The following LDB2 variants were observed in gnomAD, a reference collection of about 807,000 sequenced individuals.
LDB2 encodes the protein LIM domain binding 2, also known as LIM domain-binding protein 2.
In LDB2, 12 loss-of-function variants were observed where a neutral mutation model predicts 44.3. The observed-to-expected ratio is 0.27, with a 90% confidence interval of 0.17 to 0.44. The LOEUF (loss-of-function observed/expected upper bound fraction) is 0.44, where lower values mean the gene tolerates loss of function less well. LDB2 is among the 20% of genes least tolerant of loss of function. The pLI is 1.00. For missense variants in LDB2, 344 were observed against 473.5 expected (o/e 0.73, Z 2.54); for synonymous variants, 164 against 174.8 (o/e 0.94, Z 0.49).
intron 2 of LDB2, among the ~76,000 whole-genome samples, chr4:16,684,589 T>G (rs1748752056): frequency 6.6e-6 from 1 of 152,244 alleles, no homozygotes; most frequent in Non-Finnish European, 1.5e-5. Context: ...AGGTGGTGTG[T>G]TATTATCTAG....
intron 1 of LDB2, among the ~76,000 whole-genome samples, chr4:16,798,794 C>T (rs916424371): frequency 1.3e-5 from 2 of 152,238 alleles, no homozygotes; most frequent in African/African-American, 4.8e-5. Flanking sequence ...TTTTCAGTCA[C>T]CTCAAGTGAC....
chr4:16,787,072 A>G (rs1433836946), intron 1 of LDB2, among the ~76,000 whole-genome samples: 2 of 152,150 alleles, frequency 1.3e-5, no homozygotes, highest in Non-Finnish European at 2.9e-5. Flanking sequence ...TCCCTCTAAA[A>G]TAGTTTGAGA....
intron 2 of LDB2, among the ~76,000 whole-genome samples, chr4:16,739,608 A>ATATATG (rs1482602537): frequency 1.2e-5 from 1 of 86,204 alleles, no homozygotes; most frequent in Non-Finnish European, 2.2e-5. Context: ...ATATATATAT[A>ATATATG]TGTATATATA....
intron 1 of LDB2, among the ~76,000 whole-genome samples, chr4:16,817,173 C>T (rs749541637): frequency 1.9e-4 from 29 of 152,144 alleles, no homozygotes; most frequent in Non-Finnish European, 3.7e-4. Flanking sequence ...TGTAAAGGAT[C>T]GATGTATCAA....
At position 16,556,495 on chromosome 4, in the gene LDB2, A is replaced by ACTT. The variant is rs368752301; in HGVS notation, c.615+29424_615+29426dup. On this transcript the variant is annotated intron_variant, in intron 5 of 7. Coordinates refer to ENST00000304523, the MANE Select transcript of LDB2 (RefSeq NM_001290.5). ...TATCAAAGCTAATGATATTCCTTGG[A>ACTT]CTTCATCTAATAATCAGCATGTTAA... is the stretch of plus-strand genomic sequence containing the variant. 4.4e-3 allele frequency among the ~76,000 whole-genome samples: 673 copies of ACTT among 152,304 alleles called. 7 individuals are homozygous for ACTT. The highest frequency in any genetic ancestry group is 0.015 in the African/African-American group (634 of 41,564).
chr4:16,504,914 A>G lies in LDB2; in HGVS notation c.892-2041T>C, dbSNP rs16893554. 5.0e-3 allele frequency among the ~76,000 whole-genome samples: 760 copies of G among 152,348 alleles called. 37 individuals carry two copies. The East Asian group carries it at 0.11, about 21-fold the overall frequency. Reference sequence around the variant, plus strand: ...CACACTTGAAGGGCTTGGAAAACACATGCGTAAGGCGTCACAGGGCAGGAG... The same window carrying G: ...CACACTTGAAGGGCTTGGAAAACACGTGCGTAAGGCGTCACAGGGCAGGAG... On this transcript the variant is annotated intron_variant, in intron 7 of 7. Transcript: ENST00000304523.
At chr4:16,819,022 G>C (rs1370243880) in intron 1 of LDB2, among the ~76,000 whole-genome samples, 1 of 152,072 alleles carries the variant, frequency 6.6e-6, no homozygotes, top group African/African-American at 2.4e-5. Context: ...CAAAGTAATA[G>C]AAAGTAAAGT....
intron 5 of LDB2, among the ~76,000 whole-genome samples, chr4:16,519,263 C>G (rs1444031468): frequency 6.6e-6 from 1 of 151,962 alleles, no homozygotes; most frequent in East Asian, 1.9e-4. Context: ...TAACCCTCAC[C>G]CCCACCTTTT....
At chr4:16,810,238 T>C (rs537786750) in intron 1 of LDB2, among the ~76,000 whole-genome samples, 1 of 152,156 alleles carries the variant, frequency 6.6e-6, no homozygotes, top group African/African-American at 2.4e-5. Flanking sequence ...CCATGACACA[T>C]GTACAGCAAT....
At position 16,603,440 on chromosome 4, in the gene LDB2, G is replaced by T. The variant is rs140375700; in HGVS notation, c.236-7565C>A. Among the ~76,000 whole-genome samples the T allele has an allele frequency of 4.1e-3, 622 of 152,240 alleles. 2 individuals are homozygous for T. Among genetic ancestry groups the T allele is most frequent in the South Asian group, 7.7e-3 (37 of 4,826 alleles). ...GCAACAGCATTAGTTAGAGAAGGTGGTATATTCCCGTGATCTAGGCTGCTG... is the reference window on the plus strand; with the variant it reads ...GCAACAGCATTAGTTAGAGAAGGTGTTATATTCCCGTGATCTAGGCTGCTG... On this transcript the variant is annotated intron_variant, in intron 2 of 7. Coordinates refer to ENST00000304523, the MANE Select transcript of LDB2 (RefSeq NM_001290.5).
intron 1 of LDB2, 62 bp from the exon 2 acceptor site, chr4:16,759,322 G>T: frequency 8.1e-7 from 1 of 1,229,956 alleles, no homozygotes; most frequent in Non-Finnish European, 1.2e-6. Flanking sequence ...AAGAGGAAGA[G>T]AAAAGGGAAG....
At chr4:16,763,791 A>G (rs1768534895) in intron 1 of LDB2, among the ~76,000 whole-genome samples, 1 of 152,216 alleles carries the variant, frequency 6.6e-6, no homozygotes, top group Non-Finnish European at 1.5e-5. Context: ...TCTATGTTAT[A>G]CTGACTTGCA....
Position 16,588,693 on chromosome 4 carries a change from G to GA in LDB2, c.531+16dup, listed in dbSNP as rs1156324508. 6.2e-7 allele frequency: 1 copy of GA among 1,609,840 alleles called. No homozygotes were observed. Among genetic ancestry groups the GA allele is most frequent in the African/African-American group, 1.3e-5 (1 of 74,756 alleles). On this transcript the variant is annotated intron_variant, in intron 4 of 7. Coordinates refer to ENST00000304523, the MANE Select transcript of LDB2 (RefSeq NM_001290.5). ...AAAAAAAAGAAAAGAAAGCAAAACA[G>GA]AAATTAAATTACTTACATGCATGGC...
intron 1 of LDB2, among the ~76,000 whole-genome samples, chr4:16,821,689 G>A (rs904802899): frequency 8.5e-5 from 11 of 129,452 alleles, no homozygotes; most frequent in Admixed American, 2.8e-4. Context: ...GCGCCCGGCC[G>A]GAATATTTGA....
At chr4:16,864,723 G>A (rs899879468) in intron 1 of LDB2, among the ~76,000 whole-genome samples, 35 of 151,444 alleles carry the variant, frequency 2.3e-4, no homozygotes, top group African/African-American at 7.8e-4. Context: ...TCAGGAGTTC[G>A]AGACCAGCCT....
At chr4:16,644,247 G>A (rs1002290885) in intron 2 of LDB2, among the ~76,000 whole-genome samples, 1 of 152,108 alleles carries the variant, frequency 6.6e-6, no homozygotes, top group Non-Finnish European at 1.5e-5. Flanking sequence ...AATACAGAAT[G>A]CCAACCAGTG....
At chr4:16,680,921 C>G (rs1747670440) in intron 2 of LDB2, among the ~76,000 whole-genome samples, 1 of 152,142 alleles carries the variant, frequency 6.6e-6, no homozygotes, top group Non-Finnish European at 1.5e-5. Context: ...AGTAGTAAAT[C>G]TGGAAATTTA....
intron 2 of LDB2, among the ~76,000 whole-genome samples, chr4:16,607,559 G>T (rs1724279706): frequency 6.6e-6 from 1 of 152,308 alleles, no homozygotes; most frequent in East Asian, 1.9e-4. Context: ...AACAATAACT[G>T]CTTCAGTGGG....
At chr4:16,721,173 T>C (rs958772148) in intron 2 of LDB2, among the ~76,000 whole-genome samples, 8 of 152,152 alleles carry the variant, frequency 5.3e-5, no homozygotes, top group African/African-American at 1.9e-4. Context: ...GTTTGTAAAA[T>C]TGGAAATAAA....
Sources: allele counts gnomAD v4.1 joint callset (sites outside exome capture counted in the v4.1 genomes callset), GRCh38; gene constraint gnomAD v4.1.1; transcripts MANE v1.5; gene names NCBI Gene and HGNC (gene_info 2026-07-23, HGNC 2026-07-21).